The following NPIPB11 variants were observed in gnomAD, a reference collection of about 807,000 sequenced individuals.
The protein encoded by NPIPB11 is nuclear pore complex-interacting protein family member B11.
A neutral mutation model predicts 32.8 loss-of-function variants in NPIPB11; 17 were observed. That is an observed-to-expected ratio of 0.52 (90% CI 0.35 to 0.78). The LOEUF (loss-of-function observed/expected upper bound fraction) is 0.78, where lower values mean the gene tolerates loss of function less well. NPIPB11 is among the 30% of genes least tolerant of loss of function. NPIPB11 has a pLI of 0.01. For missense variants in NPIPB11, 537 were observed against 1,000.4 expected (o/e 0.54, Z 6.25); for synonymous variants, 209 against 398.4 (o/e 0.52, Z 5.66).
chr16:29,393,714 A>C (rs1207382201), intron 3 of NPIPB11, among the ~76,000 whole-genome samples: 1 of 152,098 alleles, frequency 6.6e-6, no homozygotes, highest in African/African-American at 2.4e-5. Flanking sequence ...GGTTAAAAAA[A>C]CTTATTTTTG....
At chr16:29,401,144 C>T (rs1279519875) in intron 2 of NPIPB11, among the ~76,000 whole-genome samples, 2 of 152,104 alleles carry the variant, frequency 1.3e-5, no homozygotes, top group East Asian at 3.9e-4. Flanking sequence ...AGTGTGGGAG[C>T]AATAGTTTAC....
chr16:29,397,488 G>C, intron 2 of NPIPB11: 1 of 1,409,612 alleles, frequency 7.1e-7, no homozygotes. Context: ...TGGGATTACA[G>C]GCCTGAGCTG....
At chr16:29,395,893 A>C (rs1963841566) in intron 2 of NPIPB11, among the ~76,000 whole-genome samples, 1 of 150,850 alleles carries the variant, frequency 6.6e-6, no homozygotes, top group South Asian at 2.1e-4. Flanking sequence ...CAGAAGAATC[A>C]CTTGAACCCG....
chr16:29,389,040 C>G (rs1232706934), intron 5 of NPIPB11, among the ~76,000 whole-genome samples: 1 of 150,804 alleles, frequency 6.6e-6, no homozygotes, highest in Non-Finnish European at 1.5e-5. Context: ...ACTAAAAATA[C>G]AAAAATTATC....
intron 4 of NPIPB11, 21 bp downstream of exon 4, chr16:29,390,228 C>T (rs768398924): frequency 1.1e-5 from 17 of 1,586,396 alleles, no homozygotes; most frequent in Admixed American, 3.4e-5. Context: ...CCACACTATG[C>T]GGATTCCAAC....
Position 29,389,367 on chromosome 16 carries a change from T to TAAAA in NPIPB11, c.545+570_545+573dup, listed in dbSNP as rs1175211779. 6.6e-3 allele frequency among the ~76,000 whole-genome samples: 386 copies of TAAAA among 58,620 alleles called. 6 individuals carry two copies. Among genetic ancestry groups the TAAAA allele is most frequent in the Non-Finnish European group, 9.7e-3 (342 of 35,360 alleles). 38.5% of individuals were successfully genotyped at this position (58,620 alleles called of 152,430 possible). On this transcript the variant is annotated intron_variant, in intron 5 of 7. Coordinates refer to ENST00000524087, the Ensembl canonical transcript of NPIPB11. ...ACAGAGCGTGACTCTATCTCAAAAT[T>TAAAA]AAAAAAAAAAAAAAAAAAAAAAAAG...
chr16:29,390,377 C>G lies in NPIPB11; in HGVS notation c.250-29G>C, dbSNP rs780597201. ...GGAAATAATAATATAAGAATGACGG[C>G]TGGGCACGGTGGCTCATGCGTATAA... On this transcript the variant is annotated intron_variant, in intron 3 of 7. Transcript: ENST00000524087. 169 of 1,555,130 alleles carry G rather than the reference C, an allele frequency of 1.1e-4. 3 individuals carry two copies. The highest frequency in any genetic ancestry group is 8.4e-4 in the South Asian group (75 of 89,542).
intron 2 of NPIPB11, among the ~76,000 whole-genome samples, chr16:29,398,555 A>C (rs1415310369): frequency 1.3e-5 from 2 of 151,282 alleles, no homozygotes; most frequent in African/African-American, 4.9e-5. Context: ...ATTTACAAAA[A>C]TTAACCTGAC....
At chr16:29,406,573 G>A (rs924861918), upstream of NPIPB11, among the ~76,000 whole-genome samples, 4 of 152,180 alleles carry the variant, frequency 2.6e-5, no homozygotes, top group African/African-American at 9.7e-5. Flanking sequence ...AATTAGCCAT[G>A]CCTGGTGGCA....
chr16:29,382,300 G>A (rs1423924590), exon 8 of NPIPB11: 8 of 1,594,030 alleles, frequency 5.0e-6, no homozygotes, highest in South Asian at 1.1e-5. Flanking sequence ...CAGACGCTCG[G>A]CAGGTGTCTT....
intron 3 of NPIPB11, among the ~76,000 whole-genome samples, chr16:29,391,486 C>T (rs1178123617): frequency 6.9e-6 from 1 of 145,396 alleles, no homozygotes; most frequent in Non-Finnish European, 1.5e-5. Context: ...TTCCTTCTGT[C>T]CCTGCTCTAC....
At chr16:29,402,574 C>G (rs1964016692) in intron 2 of NPIPB11, among the ~76,000 whole-genome samples, 1 of 56,652 alleles carries the variant, frequency 1.8e-5, no homozygotes, top group Non-Finnish European at 2.9e-5. Context: ...TGATGGTGCA[C>G]ACACCTGTAG....
intron 2 of NPIPB11, among the ~76,000 whole-genome samples, chr16:29,401,272 CT>C (rs1174835997): frequency 6.6e-6 from 1 of 152,112 alleles, no homozygotes; most frequent in African/African-American, 2.4e-5. Context: ...GGAATTTTTA[CT>C]CTTGATATCC....
exon 8 of NPIPB11, chr16:29,383,596 C>A: frequency 1.5e-6 from 1 of 671,336 alleles, no homozygotes; most frequent in East Asian, 3.8e-5. Flanking sequence ...GAGGGTGGAG[C>A]TGAGGGTGGA....
chr16:29,393,801 C>A (rs900736968), intron 3 of NPIPB11, 147 bp downstream of exon 3: 84 of 1,219,942 alleles, frequency 6.9e-5, no homozygotes, highest in Non-Finnish European at 8.8e-5. Flanking sequence ...CAGATATTTT[C>A]ATAATTCTTA....
upstream of NPIPB11, among the ~76,000 whole-genome samples, chr16:29,405,604 G>A (rs1964097012): frequency 6.6e-6 from 1 of 152,102 alleles, no homozygotes; most frequent in African/African-American, 2.4e-5. Flanking sequence ...TCTGTCCAAT[G>A]TCACACGGCT....
chr16:29,397,643 G>C, intron 2 of NPIPB11: 2 of 1,434,032 alleles, frequency 1.4e-6, no homozygotes, highest in Admixed American at 4.0e-5. Context: ...GCCCCCGCAT[G>C]TCCTGGTCCT....
Position 29,383,244 on chromosome 16 carries a change from C to T in NPIPB11, c.1688G>A (p.Arg563His), listed in dbSNP as rs527997367. ...TGAGGGTGGAAGGGGAGTGAGCTGACGCTCGGAAGGTGTCTTGAGATTATC... is the reference window on the plus strand; with the variant it reads ...TGAGGGTGGAAGGGGAGTGAGCTGATGCTCGGAAGGTGTCTTGAGATTATC... The change falls in exon 8 of 8, where the codon CGT (arginine) becomes CAT (histidine). Residue 563 changes from arginine (R) to histidine (H), a missense_variant. Arg to His is a conservative substitution (Grantham distance 29). Transcript: ENST00000524087. The T allele has an allele frequency of 5.7e-4, 884 of 1,558,462 alleles. No homozygotes were observed. The African/African-American group carries it at 0.011, about 19-fold the overall frequency.
intron 2 of NPIPB11, among the ~76,000 whole-genome samples, chr16:29,399,919 A>C (rs922223996): frequency 6.6e-6 from 1 of 151,756 alleles, no homozygotes; most frequent in Non-Finnish European, 1.5e-5. Flanking sequence ...TCTACTAAAA[A>C]TACAAAAATT....
Sources: allele counts gnomAD v4.1 joint callset (sites outside exome capture counted in the v4.1 genomes callset), GRCh38; gene constraint gnomAD v4.1.1; transcripts MANE v1.5; gene names NCBI Gene and HGNC (gene_info 2026-07-23, HGNC 2026-07-21).